FOXF1: variants seen among roughly 807,000 people sequenced by gnomAD.
The protein encoded by FOXF1 is forkhead box F1, also known as forkhead box protein F1.
A neutral mutation model predicts 26.6 loss-of-function variants in FOXF1; 9 were observed. The ratio of observed to expected loss-of-function variants is 0.34; its 90% CI spans 0.20 to 0.59. FOXF1 has a LOEUF of 0.59. Among genes scored for constraint, FOXF1 ranks in the 20% least tolerant of loss-of-function variants. FOXF1 has a pLI of 0.83. For missense variants in FOXF1, 499 were observed against 549.9 expected (o/e 0.91, Z 0.93); for synonymous variants, 330 against 257.7 (o/e 1.28, Z -2.69).
Position 86,513,032 on chromosome 16 carries a change from T to C in FOXF1, c.1087T>C (p.Ser363Pro), listed in dbSNP as rs768219608. 1.2e-6 allele frequency: 2 copies of C among 1,613,500 alleles called. No individual in the cohort carries two copies. The highest frequency in any genetic ancestry group is 2.7e-5 in the African/African-American group (2 of 74,924). ...TTCCATGCACTCGGCCGGCGGGGGC[T>C]CCTACTACCACCAGCAGGTCACCTA... ...SSSMHSAGGG[S>P]YYHQQVTYQD... Residue 363 changes from serine to proline, a missense_variant, in exon 2 of 2, where the codon TCC becomes CCC. Transcript: ENST00000262426.
chr16:86,512,214 C>G (rs1186620657), intron 1 of FOXF1, among the ~76,000 whole-genome samples: 4 of 152,184 alleles, frequency 2.6e-5, no homozygotes, highest in Non-Finnish European at 4.4e-5. Flanking sequence ...CCCACACCCC[C>G]AACACCCCTG....
Position 86,511,448 on chromosome 16 carries a change from T to C in FOXF1, c.879T>C (p.Cys293=), listed in dbSNP as rs1969564212. ...SYIKQQPLSP[C]NPAANPLSGS... ...TCAAGCAGCAGCCCCTGTCCCCCTG[T>C]AACCCCGCGGCCAACCCCCTGTCCG... The change falls in exon 1 of 2, where the codon TGT becomes TGC. Residue 293 remains cysteine (C), a synonymous_variant. Transcript: ENST00000262426. The C allele has an allele frequency of 6.3e-7, 1 of 1,594,406 alleles. No individual in the cohort carries two copies. The highest frequency in any genetic ancestry group is 1.1e-5 in the South Asian group (1 of 90,484).
Position 86,511,342 on chromosome 16 carries a change from A to G in FOXF1, c.773A>G (p.Glu258Gly), listed in dbSNP as rs2143186464. The change falls in exon 1 of 2, where the codon GAG (glutamate) becomes GGG (glycine). Residue 258 changes from glutamate to glycine, a missense_variant. By Grantham distance (98) the Glu-to-Gly change is moderately conservative (BLOSUM62 -2). Around this residue, in one of 5 missense-constraint regions of FOXF1, gnomAD observed 367 missense variants for 324.8 expected, o/e 1.13. Coordinates refer to ENST00000262426, the MANE Select transcript of FOXF1 (RefSeq NM_001451.3). The stretch of plus-strand genomic sequence containing the variant: ...CCCACCGGCGCCGGTGGGGTCATGG[A>G]GCCGCACGCCGTCTACTCGGGCTCG... ...LLPTGAGGVM[E>G]PHAVYSGSAA... is the part of the protein sequence containing the mutation. 1 of 1,538,898 alleles carries G rather than the reference A, an allele frequency of 6.5e-7. No individual in the cohort carries two copies. The highest frequency in any genetic ancestry group is 8.7e-7 in the Non-Finnish European group (1 of 1,151,456).
Position 86,513,019 on chromosome 16 carries a change from G to A in FOXF1, c.1074G>A (p.Ser358=), listed in dbSNP as rs375468797. 21 of 1,613,724 alleles carry A rather than the reference G, an allele frequency of 1.3e-5. No homozygotes were observed. Among genetic ancestry groups the A allele is most frequent in the African/African-American group, 2.7e-5 (2 of 74,938 alleles). The part of the protein sequence containing the change: ...FNAMASSSMH[S]AGGGSYYHQQ... ...CCATGGCGTCCTCTTCCATGCACTC[G>A]GCCGGCGGGGGCTCCTACTACCACC... The change falls in exon 2 of 2, where the codon TCG becomes TCA. Residue 358 remains serine (S), a synonymous_variant. Transcript: ENST00000262426.
rs1969629917 is a variant in FOXF1 at position 86,515,370 on chromosome 16, G to A, written c.*2285G>A. On this transcript the variant is annotated 3_prime_UTR_variant, in exon 2 of 2. Transcript: ENST00000262426. This position sits in a 1 kb window ranked among gnomAD's most constrained non-coding sequence, Gnocchi z 4.1. ...GTGGGGGTAATTTCTCCGGTGCTCT[G>A]TTACATCAAAATTATCAATAAACTC... 1 of 152,186 alleles carries A rather than the reference G, an allele frequency of 6.6e-6. No individual in the cohort carries two copies. 9.4% of individuals were successfully genotyped at this position (152,186 alleles called of 1,614,324 possible).
Position 86,513,120 on chromosome 16 carries a change from C to G in FOXF1, c.*35C>G, listed in dbSNP as rs763258260. The G allele has an allele frequency of 3.7e-6, 6 of 1,603,996 alleles. No individual in the cohort carries two copies. Among genetic ancestry groups the G allele is most frequent in the Non-Finnish European group, 5.1e-6 (6 of 1,178,000 alleles). On this transcript the variant is annotated 3_prime_UTR_variant, in exon 2 of 2. Coordinates refer to ENST00000262426, the MANE Select transcript of FOXF1 (RefSeq NM_001451.3). ...CGCAGGCCCTCCTGGTGCAGGCAGG[C>G]GGGTCACAGGGACCCTGGACCGGCA... is the stretch of plus-strand genomic sequence containing the variant.
At position 86,513,594 on chromosome 16, in the gene FOXF1, A is replaced by AAT. The variant is rs1969602705; in HGVS notation, c.*509_*510insAT. ...TTGGAATGCGCAAGTCTCCCTTTAG[A>AAT]GCCGTCTTTTGCAGGGAGCGGGAAG... On this transcript the variant is annotated 3_prime_UTR_variant, in exon 2 of 2. Transcript: ENST00000262426. 1 of 159,538 alleles carries AAT rather than the reference A, an allele frequency of 6.3e-6. No individual in the cohort carries two copies. The highest frequency in any genetic ancestry group is 1.4e-5 in the Non-Finnish European group (1 of 72,582). 9.9% of individuals were successfully genotyped at this position (159,538 alleles called of 1,614,324 possible). A position where few individuals can be genotyped will look rare whatever the true frequency, so the allele number is the denominator to read the frequency against.
chr16:86,513,633 G>A lies in FOXF1; in HGVS notation c.*548G>A, dbSNP rs1233840603. ...GGGAGCGGGAAGTGACAAGAGCTCA[G>A]ATCTCCCTCCCGATCTCCCTCCCCA... On this transcript the variant is annotated 3_prime_UTR_variant, in exon 2 of 2. Coordinates refer to ENST00000262426, the MANE Select transcript of FOXF1 (RefSeq NM_001451.3). The A allele has an allele frequency of 1.3e-5, 2 of 154,124 alleles. No homozygotes were observed. The highest frequency in any genetic ancestry group is 6.4e-5 in the Admixed American group (1 of 15,686). The allele number at this position is 154,124 out of a possible 1,614,324, so 9.5% of individuals were successfully genotyped here.
At position 86,511,536 on chromosome 16, in the gene FOXF1, G is replaced by A. The variant is rs1275815675; in HGVS notation, c.967G>A (p.Ala323Thr). The change falls in exon 1 of 2, where the codon GCC becomes ACC. Residue 323 changes from alanine (A) to threonine (T), a missense_variant. Physicochemically the swap from Ala to Thr is moderately conservative, Grantham distance 58. Around this residue, in one of 5 missense-constraint regions of FOXF1, gnomAD observed 367 missense variants for 324.8 expected, o/e 1.13. Transcript: ENST00000262426. ...YLHQNSHNAP[A>T]ELQGIPRYHS... is the part of the protein sequence containing the mutation. ...GCACCAGAACAGCCACAACGCCCCA[G>A]CCGAGCTGCAAGGTGAGTGGGGAGG... 3 of 1,587,244 alleles carry A rather than the reference G, an allele frequency of 1.9e-6. No homozygotes were observed. Among genetic ancestry groups the A allele is most frequent in the Middle Eastern group, 1.7e-4 (1 of 6,038 alleles).
chr16:86,513,300 G>C lies in FOXF1; in HGVS notation c.*215G>C. ...CACTCCTTCAAAATTGTTAAGAAAT[G>C]TTAGTGGTGGGTCTGATCTGACTGC... On this transcript the variant is annotated 3_prime_UTR_variant, in exon 2 of 2. Transcript: ENST00000262426. The C allele has an allele frequency of 1.7e-6, 1 of 584,628 alleles. No individual in the cohort carries two copies. Among genetic ancestry groups the C allele is most frequent in the Non-Finnish European group, 3.0e-6 (1 of 328,354 alleles). The allele number at this position is 584,628 out of a possible 1,614,324, so 36.2% of individuals were successfully genotyped here.
Position 86,511,261 on chromosome 16 carries a change from C to T in FOXF1, c.692C>T (p.Ala231Val), listed in dbSNP as rs1264284629. The change falls in exon 1 of 2, where the codon GCG becomes GTG. Residue 231 changes from alanine to valine, a missense_variant. By Grantham distance (64) the Ala-to-Val change is moderately conservative. Transcript: ENST00000262426. ...TCGTACATGGGCGGCTGCGGCGGCG[C>T]GGCGGCCGGCGAGTACCCGCACCAC... ...GHSYMGGCGG[A>V]AAGEYPHHDS... The T allele has an allele frequency of 2.0e-6, 3 of 1,519,788 alleles. No individual in the cohort carries two copies. The highest frequency in any genetic ancestry group is 2.0e-5 in the Admixed American group (1 of 48,920). 94.1% of individuals were successfully genotyped at this position (1,519,788 alleles called of 1,614,324 possible).
intron 1 of FOXF1, among the ~76,000 whole-genome samples, 161 bp from the exon 2 acceptor site, chr16:86,512,764 A>AGGCCGGGACTCGGGGAGGAGAGCG (rs1271437611): frequency 6.6e-6 from 1 of 152,164 alleles, no homozygotes; most frequent in East Asian, 1.9e-4. Flanking sequence ...CGCAGCTGGA[A>AGGCCGGGACTCGGGGAGGAGAGCG]GGCCGGGACT....
Position 86,510,649 on chromosome 16 carries a change from A to T in FOXF1, c.80A>T (p.Asp27Val), listed in dbSNP as rs775342492. 2 of 1,594,522 alleles carry T rather than the reference A, an allele frequency of 1.3e-6. No homozygotes were observed. The highest frequency in any genetic ancestry group is 1.4e-5 in the African/African-American group (1 of 73,944). ...GGGGGGGAAM[D>V]PASSGPSKAK... ...GGCGGGGGAGGCGGCGCGGCCATGG[A>T]CCCCGCGTCGTCCGGCCCGTCCAAG... The change falls in exon 1 of 2, where the codon GAC becomes GTC. Residue 27 changes from aspartate to valine, a missense_variant. Asp to Val is a radical substitution (Grantham distance 152, BLOSUM62 -3). This residue lies in a region of FOXF1 where 76 missense variants were observed against 78.9 expected (regional missense o/e 0.96). Transcript: ENST00000262426.
chr16:86,510,782 G>A lies in FOXF1; in HGVS notation c.213G>A (p.Leu71=). 6.2e-7 allele frequency: 1 copy of A among 1,613,630 alleles called. No homozygotes were observed. Among genetic ancestry groups the A allele is most frequent in the Non-Finnish European group, 8.5e-7 (1 of 1,179,888 alleles). The change falls in exon 1 of 2, where the codon CTG becomes CTA. Residue 71 remains leucine, a synonymous_variant. Coordinates refer to ENST00000262426, the MANE Select transcript of FOXF1 (RefSeq NM_001451.3). Reference sequence around the variant, plus strand: ...GTTCACCCACCAAGCGCCTGACGCTGAGCGAGATCTACCAGTTCCTGCAGA... The same window carrying A: ...GTTCACCCACCAAGCGCCTGACGCTAAGCGAGATCTACCAGTTCCTGCAGA... ...IQSSPTKRLT[L]SEIYQFLQSR... is the part of the protein sequence containing the mutation.
Position 86,513,141 on chromosome 16 carries a change from CG to C in FOXF1, c.*58del. The C allele has an allele frequency of 6.3e-7, 1 of 1,579,598 alleles. No individual in the cohort carries two copies. Among genetic ancestry groups the C allele is most frequent in the Non-Finnish European group, 8.6e-7 (1 of 1,159,694 alleles). On this transcript the variant is annotated 3_prime_UTR_variant, in exon 2 of 2. Coordinates refer to ENST00000262426, the MANE Select transcript of FOXF1 (RefSeq NM_001451.3). ...CAGGCGGGTCACAGGGACCCTGGAC[CG>C]GCACAAGAAACTGCTTTCTTCTCGA...
rs1969628980 is a variant in FOXF1, at chr16:86,515,285, C to G, written c.*2200C>G. On this transcript the variant is annotated 3_prime_UTR_variant, in exon 2 of 2. Coordinates refer to ENST00000262426, the MANE Select transcript of FOXF1 (RefSeq NM_001451.3). This position sits in a 1 kb window ranked among gnomAD's most constrained non-coding sequence, Gnocchi z 4.1. ...GGTCCTTCCAGACCCACCGCAGTGT[C>G]TTGCGTCGTGGGGTCGTGAGTCTCT... 6.6e-6 allele frequency: 1 copy of G among 152,076 alleles called. No individual in the cohort carries two copies. The highest frequency in any genetic ancestry group is 6.6e-5 in the Admixed American group (1 of 15,262). The allele number at this position is 152,076 out of a possible 1,614,324, so 9.4% of individuals were successfully genotyped here. A position where few individuals can be genotyped will look rare whatever the true frequency, so the allele number is the denominator to read the frequency against.
Position 86,510,626 on chromosome 16 carries a change from CG to C in FOXF1, c.62del (p.Gly21GlufsTer49). 7.2e-7 allele frequency: 1 copy of C among 1,392,794 alleles called. No individual in the cohort carries two copies. The highest frequency in any genetic ancestry group is 3.5e-5 in the Admixed American group (1 of 28,518). 86.3% of individuals were successfully genotyped at this position (1,392,794 alleles called of 1,614,324 possible). ...PPHGGGGGGG[G>X]GGGAAMDPAS... is the part of the protein sequence containing the mutation. The stretch of plus-strand genomic sequence containing the variant: ...CGCACGGCGGCGGCGGCGGCGGCGG[CG>C]GGGGAGGCGGCGCGGCCATGGACCC... On this transcript the variant is annotated frameshift_variant, in exon 1 of 2. Coordinates refer to ENST00000262426, the MANE Select transcript of FOXF1 (RefSeq NM_001451.3). LOFTEE classifies it high-confidence loss of function.
chr16:86,512,961 G>A lies in FOXF1; in HGVS notation c.1016G>A (p.Cys339Tyr). 9.9e-6 allele frequency: 16 copies of A among 1,614,192 alleles called. No homozygotes were observed. Among genetic ancestry groups the A allele is most frequent in the Non-Finnish European group, 1.4e-5 (16 of 1,180,046 alleles). ...PRYHSQSPSM[C>Y]DRKEFVFSFN... ...TATCACTCGCAGTCGCCCAGCATGT[G>A]TGACCGAAAGGAGTTTGTCTTCTCT... The change falls in exon 2 of 2, where the codon TGT becomes TAT. Residue 339 changes from cysteine to tyrosine, a missense_variant. Around this residue, in one of 5 missense-constraint regions of FOXF1, gnomAD observed 367 missense variants for 324.8 expected, o/e 1.13. Transcript: ENST00000262426.
At chr16:86,512,360 G>C (rs1176922197) in intron 1 of FOXF1, among the ~76,000 whole-genome samples, 1 of 152,254 alleles carries the variant, frequency 6.6e-6, no homozygotes. Flanking sequence ...GCCAGGGCCA[G>C]TCCAGGGTCA....
Sources: gnomAD v4.1 joint callset for allele counts (sites outside exome capture counted in the v4.1 genomes callset) on GRCh38, gnomAD v4.1.1 for gene constraint, gnomAD v4.1.1 regional missense constraint, Gnocchi (gnomAD v3.1) non-coding constraint, MANE v1.5 for transcripts, NCBI Gene and HGNC (gene_info 2026-07-23, HGNC 2026-07-21) for gene names.